Variants in SETD2 observed in about 807,000 individuals in gnomAD.
The protein encoded by SETD2 is histone-lysine N-methyltransferase SETD2.
A neutral mutation model predicts 242.1 loss-of-function variants in SETD2; 31 were observed. That is an observed-to-expected ratio of 0.13 (90% CI 0.10 to 0.17). SETD2 has a LOEUF of 0.17. Among genes scored for constraint, SETD2 ranks in the 10% least tolerant of loss-of-function variants. SETD2 has a pLI of 1.00. For missense variants in SETD2, 2,481 were observed against 3,046.3 expected (o/e 0.81, Z 4.37); for synonymous variants, 1,006 against 1,066.5 (o/e 0.94, Z 1.11).
At chr3:47,143,210 C>T (rs1229564266) in intron 1 of SETD2, among the ~76,000 whole-genome samples, 1 of 152,132 alleles carries the variant, frequency 6.6e-6, no homozygotes, top group Non-Finnish European at 1.5e-5. Context: ...AGGACCACTG[C>T]TTGAGCCCAG....
chr3:47,089,367 A>C (rs1022643821), intron 9 of SETD2, among the ~76,000 whole-genome samples: 5 of 152,104 alleles, frequency 3.3e-5, no homozygotes, highest in African/African-American at 1.2e-4. Flanking sequence ...GGATCACCTG[A>C]GCCTGGGAAA....
chr3:47,137,635 C>CA (rs1393299816), intron 1 of SETD2, among the ~76,000 whole-genome samples: 1 of 152,050 alleles, frequency 6.6e-6, no homozygotes, highest in Non-Finnish European at 1.5e-5. Context: ...ATTTAACTGC[C>CA]AAAAACACCA....
At chr3:47,129,410 C>T (rs941794145) in intron 1 of SETD2, among the ~76,000 whole-genome samples, 1 of 152,176 alleles carries the variant, frequency 6.6e-6, no homozygotes, top group Non-Finnish European at 1.5e-5. Context: ...TTTCTGCACT[C>T]GTTTGTGCAT....
In SETD2 at chr3:47,123,557, C is replaced by T. The variant is rs2043196747; in HGVS notation, c.1079G>A (p.Ser360Asn). Residue 360 changes from serine (S) to asparagine (N), a missense_variant, in exon 3 of 21, where the codon AGT (serine) becomes AAT (asparagine). By Grantham distance (46) the Ser-to-Asn change is conservative. Transcript: ENST00000409792. ...TCGTGAAGGTTTCCCTAGATCCTCA[C>T]TTTTTAAAGGTGCTGAGCTCTTTTT... is the stretch of plus-strand genomic sequence containing the variant. ...DFKKSSAPLKSEDLGKPSRSK... is the reference protein window; with the variant it reads ...DFKKSSAPLKNEDLGKPSRSK... The T allele has an allele frequency of 1.3e-6, 2 of 1,550,444 alleles. No individual in the cohort carries two copies. The highest frequency in any genetic ancestry group is 2.0e-5 in the Admixed American group (1 of 50,964).
intron 18 of SETD2, among the ~76,000 whole-genome samples, chr3:47,036,022 T>C (rs1056542690): frequency 6.6e-6 from 1 of 152,238 alleles, no homozygotes; most frequent in Non-Finnish European, 1.5e-5. Flanking sequence ...GTGTATCTTT[T>C]TGCAAATGCC....
chr3:47,115,901 C>T (rs1422415324), intron 4 of SETD2, among the ~76,000 whole-genome samples: 1 of 152,184 alleles, frequency 6.6e-6, no homozygotes, highest in African/African-American at 2.4e-5. Context: ...CCGCCTCAGC[C>T]TCCCAAATAG....
chr3:47,108,332 T>C (rs9823480), intron 5 of SETD2, among the ~76,000 whole-genome samples: 6,435 of 152,188 alleles, frequency 0.042, 468 homozygotes, highest in African/African-American at 0.15. Flanking sequence ...TAAGGCTTGA[T>C]TACCTGCTTT....
Position 47,017,369 on chromosome 3 carries a change from AG to A in SETD2, c.7534-116del, listed in dbSNP as rs1236557791. On this transcript the variant is annotated intron_variant, in intron 20 of 20. Transcript: ENST00000409792. This position sits in a 1 kb window ranked among gnomAD's most constrained non-coding sequence, Gnocchi z 4.8. ...GCTTCAGGGCCCTTCTCACCAAGAC[AG>A]GAAGTTAATAAGGGGGTAGATGTTG... The A allele has an allele frequency of 1.8e-6, 2 of 1,130,174 alleles. No individual in the cohort carries two copies. Among genetic ancestry groups the A allele is most frequent in the Admixed American group, 4.7e-5 (2 of 42,410 alleles). 70.0% of individuals were successfully genotyped at this position (1,130,174 alleles called of 1,614,324 possible).
chr3:47,121,688 T>G lies in SETD2; in HGVS notation c.2948A>C (p.Glu983Ala), dbSNP rs1266756746. ...ATGCACATGTCCTCCTTCTCCTCTT[T>G]CATCTAAAGAGATTTCTGGTCTTCC... ...RRGRPEISLD[E>A]RGEGGHVHTS... The change falls in exon 3 of 21, where the codon GAA becomes GCA. Residue 983 changes from glutamate to alanine, a missense_variant. By Grantham distance (107) the Glu-to-Ala change is moderately radical. Transcript: ENST00000409792. 9 of 1,614,106 alleles carry G rather than the reference T, an allele frequency of 5.6e-6. No individual in the cohort carries two copies. The highest frequency in any genetic ancestry group is 6.8e-6 in the Non-Finnish European group (8 of 1,179,982).
chr3:47,139,486 C>T (rs950852267), intron 1 of SETD2, among the ~76,000 whole-genome samples: 4 of 152,154 alleles, frequency 2.6e-5, no homozygotes, highest in African/African-American at 9.7e-5. Context: ...AACATCTTGT[C>T]CTTATTATAT....
chr3:47,134,868 C>T (rs529482633), intron 1 of SETD2, among the ~76,000 whole-genome samples: 29 of 152,274 alleles, frequency 1.9e-4, no homozygotes, highest in Middle Eastern at 3.4e-3. Context: ...TAGTGATCAA[C>T]CCACCTCGGT....
intron 9 of SETD2, among the ~76,000 whole-genome samples, chr3:47,092,488 T>A (rs2041844872): frequency 6.7e-6 from 1 of 149,750 alleles, no homozygotes; most frequent in Non-Finnish European, 1.5e-5. Context: ...AAATTATTGA[T>A]AAACTGAAAA....
At chr3:47,088,707 G>T (rs961818579) in intron 9 of SETD2, among the ~76,000 whole-genome samples, 3 of 152,094 alleles carry the variant, frequency 2.0e-5, no homozygotes, top group African/African-American at 7.2e-5. Flanking sequence ...AATATATAAT[G>T]ACCTTTTTAT....
intron 15 of SETD2, 92 bp from the exon 16 acceptor site, chr3:47,046,713 C>T (rs931615544): frequency 8.3e-6 from 9 of 1,083,062 alleles, no homozygotes; most frequent in Non-Finnish European, 1.1e-5. Context: ...TAAAGATATA[C>T]CCATAACATT....
intron 1 of SETD2, among the ~76,000 whole-genome samples, chr3:47,146,630 A>AG (rs1484053268): frequency 6.6e-6 from 1 of 151,458 alleles, no homozygotes; most frequent in Non-Finnish European, 1.5e-5. Context: ...CCGTCTAAAA[A>AG]AAAAAAAAAA....
chr3:47,157,533 A>G (rs1477307541), intron 1 of SETD2: 2 of 455,912 alleles, frequency 4.4e-6, no homozygotes, highest in South Asian at 1.5e-5. Flanking sequence ...ATGGCGCCTC[A>G]TAAGTACCGT....
In SETD2 at chr3:47,017,104, C is replaced by T. The variant is rs2107484372; in HGVS notation, c.7684G>A (p.Glu2562Lys). 6.2e-7 allele frequency: 1 copy of T among 1,614,134 alleles called. No homozygotes were observed. Among genetic ancestry groups the T allele is most frequent in the Non-Finnish European group, 8.5e-7 (1 of 1,180,014 alleles). ...CCCTGGCCCAACAGTCACTCTAATT[C>T]AGTGTCCTCTTTGGGTTTGTAAACA... The part of the protein sequence containing the change: ...GAVYKPKEDT[E>K]LE Residue 2562 changes from glutamate to lysine, a missense_variant, in exon 21 of 21, where the codon GAA becomes AAA. Transcript: ENST00000409792. This position sits in a 1 kb window ranked among gnomAD's most constrained non-coding sequence, Gnocchi z 4.8.
At position 47,122,128 on chromosome 3, in the gene SETD2, A is replaced by G. The variant is rs142668029; in HGVS notation, c.2508T>C (p.Cys836=). Residue 836 remains cysteine (C), a synonymous_variant, in exon 3 of 21, where the codon TGT becomes TGC. Transcript: ENST00000409792. ...AGTGATCTGTCAAATTTCTACTATC[A>G]CATATAACTGGTTTTGATTCCAAAT... ...NVHLESKPVI[C]DSRNLTDHSK... 1 of 1,613,946 alleles carries G rather than the reference A, an allele frequency of 6.2e-7. No individual in the cohort carries two copies. The highest frequency in any genetic ancestry group is 8.5e-7 in the Non-Finnish European group (1 of 1,179,920).
At chr3:47,050,170 C>T (rs1338292545) in intron 15 of SETD2, among the ~76,000 whole-genome samples, 1 of 151,498 alleles carries the variant, frequency 6.6e-6, no homozygotes, top group Non-Finnish European at 1.5e-5. Flanking sequence ...AAAGAAAAGA[C>T]AAATATTTAT....
Sources: gnomAD v4.1 joint callset for allele counts (sites outside exome capture counted in the v4.1 genomes callset) on GRCh38, gnomAD v4.1.1 for gene constraint, Gnocchi (gnomAD v3.1) non-coding constraint, MANE v1.5 for transcripts, NCBI Gene and HGNC (gene_info 2026-07-23, HGNC 2026-07-21) for gene names.